ANK3: variants seen among roughly 807,000 people sequenced by gnomAD.
ANK3 encodes the protein ankyrin 3.
A neutral mutation model predicts 370.9 loss-of-function variants in ANK3; 57 were observed. The ratio of observed to expected loss-of-function variants is 0.15; its 90% CI spans 0.12 to 0.19. ANK3 has a LOEUF of 0.19. ANK3 is among the 10% of genes least tolerant of loss of function. ANK3 has a pLI of 1.00. For missense variants in ANK3, 4,439 were observed against 5,302.1 expected, an observed-to-expected ratio of 0.84 and a Z score of 5.06; for synonymous variants, 1,929 against 1,946.3, an observed-to-expected ratio of 0.99 and a Z score of 0.23.
intron 40 of ANK3, 178 bp downstream of exon 40, chr10:60,062,931 CAG>C (rs1251826158): frequency 7.2e-6 from 4 of 556,332 alleles, no homozygotes; most frequent in African/African-American, 3.8e-5. Context: ...TGTATATAAA[CAG>C]AGGTATTTAC....
intron 1 of ANK3, among the ~76,000 whole-genome samples, chr10:60,311,833 C>T (rs940672588): frequency 6.6e-6 from 1 of 152,170 alleles, no homozygotes; most frequent in Non-Finnish European, 1.5e-5. Flanking sequence ...CTTTTCCTGG[C>T]CACTCAATCT....
chr10:60,262,395 CA>C (rs2097820936), intron 6 of ANK3, among the ~76,000 whole-genome samples: 1 of 152,084 alleles, frequency 6.6e-6, no homozygotes, highest in Non-Finnish European at 1.5e-5. Flanking sequence ...ATTTTCATGA[CA>C]AAAGCAGTTT....
intron 10 of ANK3, among the ~76,000 whole-genome samples, chr10:60,206,746 A>G (rs1442317942): frequency 6.6e-6 from 1 of 152,190 alleles, no homozygotes; most frequent in East Asian, 1.9e-4. Flanking sequence ...CTAATAAAAG[A>G]ATCTGCTTTT....
Position 60,064,158 on chromosome 10 carries a change from T to C in ANK3, c.12450A>G (p.Thr4150=). Residue 4150 remains threonine, a splice_region_variant and synonymous_variant, in exon 39 of 44, where the codon ACA becomes ACG. Transcript: ENST00000280772. ...TAAAATAATATAATTTCGGCATACT[T>C]GTGGCATTTTTTCCGTCTCTGGTAA... ...KWVTRDGKNA[T]TDALTSVLTK... The C allele has an allele frequency of 6.4e-7, 1 of 1,555,918 alleles. No individual in the cohort carries two copies. Among genetic ancestry groups the C allele is most frequent in the South Asian group, 1.3e-5 (1 of 79,842 alleles).
intron 2 of ANK3, among the ~76,000 whole-genome samples, chr10:60,550,416 T>C (rs1222118710): frequency 6.6e-6 from 1 of 151,878 alleles, no homozygotes; most frequent in Admixed American, 6.6e-5. Context: ...TCATTTTTAT[T>C]AGAAGAAAGG....
intron 2 of ANK3, among the ~76,000 whole-genome samples, chr10:60,576,377 A>G (rs1210396907): frequency 6.6e-6 from 1 of 152,218 alleles, no homozygotes; most frequent in Non-Finnish European, 1.5e-5. Context: ...TCTATTTTTA[A>G]AACAGAAAGT....
chr10:60,166,904 CA>C lies in ANK3; in HGVS notation c.2479-9del. On this transcript the variant is annotated splice_polypyrimidine_tract_variant and intron_variant, in intron 21 of 43. Coordinates refer to ENST00000280772, the MANE Select transcript of ANK3 (RefSeq NM_020987.5). ...GTGCTTCTCTGTGACAGTCTAGTAA[CA>C]AAAAAGCAGTCATTTTAGTGTGAGC... 2 of 1,613,000 alleles carry C rather than the reference CA, an allele frequency of 1.2e-6. No individual in the cohort carries two copies. Among genetic ancestry groups the C allele is most frequent in the Non-Finnish European group, 1.7e-6 (2 of 1,179,412 alleles).
chr10:60,417,637 C>A (rs2063695946), intron 2 of ANK3, among the ~76,000 whole-genome samples: 1 of 152,176 alleles, frequency 6.6e-6, no homozygotes, highest in Non-Finnish European at 1.5e-5. Context: ...GGATGAAAAT[C>A]TGCAGGAATT....
chr10:60,576,026 A>C (rs1009697693), intron 2 of ANK3, among the ~76,000 whole-genome samples: 4 of 152,204 alleles, frequency 2.6e-5, no homozygotes, highest in African/African-American at 9.6e-5. Context: ...AAAAATGTTA[A>C]ATGTTAACTA....
At chr10:60,278,236 G>C (rs907381774) in intron 4 of ANK3, among the ~76,000 whole-genome samples, 3 of 152,156 alleles carry the variant, frequency 2.0e-5, no homozygotes, top group Admixed American at 1.3e-4. Flanking sequence ...TCATAAAATA[G>C]TGTAAGACCC....
intron 2 of ANK3, among the ~76,000 whole-genome samples, chr10:60,531,347 T>A (rs911535766): frequency 7.9e-5 from 12 of 152,096 alleles, no homozygotes; most frequent in African/African-American, 2.7e-4. Context: ...AGGATTTTAA[T>A]TACAAAGGAG....
intron 1 of ANK3, among the ~76,000 whole-genome samples, chr10:60,358,117 CACAA>C (rs1412796930): frequency 0.01 from 122 of 12,194 alleles, no homozygotes; most frequent in African/African-American, 0.025. Flanking sequence ...CACACACACA[CACAA>C]ACACACACAC....
chr10:60,069,074 C>T lies in ANK3; in HGVS notation c.11807G>A (p.Gly3936Glu), dbSNP rs866601929. ...TTTGGCCTTGCCTTTCTCTGGCTGC[C>T]CTTGCTTTTGTGTGGCACATGCTTT... Reference protein sequence around the residue: ...VRKACATQKQGQPEKGKAKQL... With the variant: ...VRKACATQKQEQPEKGKAKQL... Residue 3936 changes from glycine (G) to glutamate (E), a missense_variant, in exon 37 of 44, where the codon GGG (glycine) becomes GAG (glutamate). By Grantham distance (98) the Gly-to-Glu change is moderately conservative. Transcript: ENST00000280772. 6.2e-7 allele frequency: 1 copy of T among 1,614,028 alleles called. No homozygotes were observed. The highest frequency in any genetic ancestry group is 1.3e-5 in the African/African-American group (1 of 74,990).
At chr10:60,493,896 A>G (rs748307049) in intron 2 of ANK3, among the ~76,000 whole-genome samples, 1 of 152,312 alleles carries the variant, frequency 6.6e-6, no homozygotes, top group Admixed American at 6.5e-5. Flanking sequence ...GAAAGAGGAT[A>G]GTGGACACTG....
intron 28 of ANK3, among the ~76,000 whole-genome samples, chr10:60,097,199 G>T (rs988363281): frequency 6.6e-6 from 1 of 152,168 alleles, no homozygotes; most frequent in Non-Finnish European, 1.5e-5. Flanking sequence ...GATTTAGCTC[G>T]TCAGTTTTAG....
chr10:60,176,715 C>T (rs1200537821), intron 18 of ANK3, among the ~76,000 whole-genome samples: 6 of 152,070 alleles, frequency 3.9e-5, no homozygotes, highest in Admixed American at 3.9e-4. Flanking sequence ...GCCAAGATCA[C>T]ACAACTGCAC....
chr10:60,542,477 A>G (rs146305954), intron 2 of ANK3, among the ~76,000 whole-genome samples: 66 of 152,044 alleles, frequency 4.3e-4, no homozygotes, highest in African/African-American at 1.5e-3. Flanking sequence ...TTTTTCTACT[A>G]AGAAGACAAA....
chr10:60,208,782 T>C (rs1199600689), intron 9 of ANK3, among the ~76,000 whole-genome samples: 2 of 152,218 alleles, frequency 1.3e-5, no homozygotes, highest in East Asian at 3.8e-4. Context: ...CTATACTGAT[T>C]TGACTTTAAA....
chr10:60,069,761 G>A lies in ANK3; in HGVS notation c.11120C>T (p.Ala3707Val). ...GTCAACTTTAGAGGTGTTAGTGGCT[G>A]CTGCTGATTTCTCCAGGGAGCCACT... ...SSSGSLEKSAAATNTSKVDPK... is the reference protein window; with the variant it reads ...SSSGSLEKSAVATNTSKVDPK... The change falls in exon 37 of 44, where the codon GCA (alanine) becomes GTA (valine). Residue 3707 changes from alanine to valine, a missense_variant. By Grantham distance (64) the Ala-to-Val change is moderately conservative (BLOSUM62 0). This residue lies in a region of ANK3 where 496 missense variants were observed against 529.3 expected (regional missense o/e 0.94). Transcript: ENST00000280772. 2 of 1,613,922 alleles carry A rather than the reference G, an allele frequency of 1.2e-6. No individual in the cohort carries two copies. The highest frequency in any genetic ancestry group is 2.2e-5 in the East Asian group (1 of 44,868).
Sources: allele counts gnomAD v4.1 joint callset (sites outside exome capture counted in the v4.1 genomes callset), GRCh38; gene constraint gnomAD v4.1.1; regional missense constraint gnomAD v4.1.1; transcripts MANE v1.5; gene names NCBI Gene and HGNC (gene_info 2026-07-23, HGNC 2026-07-21).